The following KIRREL3 variants were observed in gnomAD, a reference collection of about 807,000 sequenced individuals.
KIRREL3 encodes kin of IRRE-like protein 3.
In KIRREL3, 36 loss-of-function variants were observed where a neutral mutation model predicts 89.7. The ratio of observed to expected loss-of-function variants is 0.40; its 90% CI spans 0.31 to 0.53. The LOEUF is 0.53. Among genes scored for constraint, KIRREL3 ranks in the 20% least tolerant of loss-of-function variants. KIRREL3 has a pLI of 0.49. For synonymous variants in KIRREL3, 445 were observed against 441.4 expected (o/e 1.01, Z -0.10); for missense variants, 864 against 1,056.6 (o/e 0.82, Z 2.53).
At chr11:126,713,526 G>A (rs753665253) in intron 1 of KIRREL3, among the ~76,000 whole-genome samples, 36 of 152,310 alleles carry the variant, frequency 2.4e-4, no homozygotes, top group Admixed American at 9.8e-4. Context: ...GGTAAGAAAC[G>A]ATGAAGGCCT....
chr11:126,986,885 T>C (rs564879644), intron 1 of KIRREL3, among the ~76,000 whole-genome samples: 2 of 152,100 alleles, frequency 1.3e-5, no homozygotes, highest in Non-Finnish European at 2.9e-5. Context: ...GAGGTGAAAA[T>C]GAGGGGACAC....
At chr11:126,753,072 A>G (rs771850096) in intron 1 of KIRREL3, among the ~76,000 whole-genome samples, 1 of 152,196 alleles carries the variant, frequency 6.6e-6, no homozygotes, top group Non-Finnish European at 1.5e-5. Flanking sequence ...TCCTCAAGTC[A>G]CCATTTAGGG....
rs888439529 is a variant in KIRREL3, at chr11:126,997,177, G to A, written c.55+3278C>T. Among the ~76,000 whole-genome samples, 1 of 152,136 alleles carries A rather than the reference G, an allele frequency of 6.6e-6. No individual in the cohort carries two copies. The highest frequency in any genetic ancestry group is 6.5e-5 in the Admixed American group (1 of 15,284). ...GGAGGGCACAGAAGGAAATAGTTGT[G>A]GGTGAACTGAAATGATAAAGAGGAA... On this transcript the variant is annotated intron_variant, in intron 1 of 16. Coordinates refer to ENST00000525144, the MANE Select transcript of KIRREL3 (RefSeq NM_032531.4). This position sits in a 1 kb window ranked among gnomAD's most constrained non-coding sequence, Gnocchi z 4.3.
In KIRREL3 at chr11:126,424,872, A is replaced by G; in HGVS notation, c.2045T>C (p.Leu682Pro). The G allele has an allele frequency of 1.2e-6, 2 of 1,613,338 alleles. No homozygotes were observed. Among genetic ancestry groups the G allele is most frequent in the South Asian group, 2.2e-5 (2 of 91,080 alleles). ...GMSFTNIYST[L>P]SGQGRLYDYG... ...GTCGTAGAGGCGGCCCTGGCCGCTC[A>G]GGGTGCTGTAGATGTTGGTGAAGGA... Residue 682 changes from leucine (L) to proline (P), a missense_variant, in exon 17 of 17, where the codon CTG becomes CCG. Transcript: ENST00000525144.
At chr11:126,949,271 T>A (rs1948709498) in intron 1 of KIRREL3, among the ~76,000 whole-genome samples, 1 of 152,214 alleles carries the variant, frequency 6.6e-6, no homozygotes, top group African/African-American at 2.4e-5. Flanking sequence ...TCTCACCATG[T>A]GGTTACCATG....
Position 126,436,836 on chromosome 11 carries a change from A to G in KIRREL3, c.1527T>C (p.Thr509=). Residue 509 remains threonine, a synonymous_variant, in exon 12 of 17, where the codon ACT becomes ACC. Transcript: ENST00000525144. ...CTAWNSFGSD[T]EIIRLKEQGS... ...CTTGCTCCTTGAGCCGGATGATCTC[A>G]GTGTCGGAGCCGAAGCTGTTCCAGG... 6.2e-7 allele frequency: 1 copy of G among 1,613,578 alleles called. No individual in the cohort carries two copies. The highest frequency in any genetic ancestry group is 1.3e-5 in the African/African-American group (1 of 75,014).
intron 3 of KIRREL3, among the ~76,000 whole-genome samples, chr11:126,524,368 A>G (rs1832735396): frequency 6.6e-6 from 1 of 152,318 alleles, no homozygotes; most frequent in East Asian, 1.9e-4. Flanking sequence ...TTTAGAAGGG[A>G]GAGAAGACAG....
chr11:126,926,673 A>G (rs1947729421), intron 1 of KIRREL3, among the ~76,000 whole-genome samples: 1 of 152,184 alleles, frequency 6.6e-6, no homozygotes, highest in South Asian at 2.1e-4. Flanking sequence ...CTTGAAAGGA[A>G]CTGCAAATCT....
rs1945597144 is a variant in KIRREL3, at chr11:126,883,775, A to G, written c.55+116680T>C. 6.6e-6 allele frequency among the ~76,000 whole-genome samples: 1 copy of G among 152,196 alleles called. No homozygotes were observed. Among genetic ancestry groups the G allele is most frequent in the African/African-American group, 2.4e-5 (1 of 41,446 alleles). On this transcript the variant is annotated intron_variant, in intron 1 of 16. Transcript: ENST00000525144. The surrounding 1 kb of genome is among the most constrained non-coding windows in gnomAD (Gnocchi z 4.1). Reference sequence around the variant, plus strand: ...GGCTGGATTTTCTAAAAGCTACTAAAAAAATGCTTGTTTGAAATTAAAGAT... The same window carrying G: ...GGCTGGATTTTCTAAAAGCTACTAAGAAAATGCTTGTTTGAAATTAAAGAT...
chr11:126,998,297 T>C (rs1042582888), intron 1 of KIRREL3, among the ~76,000 whole-genome samples: 1 of 152,168 alleles, frequency 6.6e-6, no homozygotes, highest in African/African-American at 2.4e-5. Flanking sequence ...ATAAAACACC[T>C]TCCCACTTGA....
intron 2 of KIRREL3, chr11:126,549,586 C>A (rs552812088): frequency 6.6e-6 from 1 of 152,202 alleles, no homozygotes; most frequent in African/African-American, 2.4e-5. Context: ...TTTCTTCAGA[C>A]CCTGGGGAGA....
rs1951263200 is a variant in KIRREL3 at position 126,808,108 on chromosome 11, G to A, written c.55+192347C>T. 6.6e-6 allele frequency among the ~76,000 whole-genome samples: 1 copy of A among 152,218 alleles called. No individual in the cohort carries two copies. Among genetic ancestry groups the A allele is most frequent in the African/African-American group, 2.4e-5 (1 of 41,454 alleles). ...CAAGTGGTAGATGCTCTCCAGGCCA[G>A]CTGCAGGACTGCAGATACTGACCTG... On this transcript the variant is annotated intron_variant, in intron 1 of 16. Coordinates refer to ENST00000525144, the MANE Select transcript of KIRREL3 (RefSeq NM_032531.4). The surrounding 1 kb of genome is among the most constrained non-coding windows in gnomAD (Gnocchi z 4.1).
At chr11:126,514,942 A>G (rs1274585936) in intron 4 of KIRREL3, among the ~76,000 whole-genome samples, 2 of 151,642 alleles carry the variant, frequency 1.3e-5, no homozygotes, top group Non-Finnish European at 2.9e-5. Flanking sequence ...TTCAGTGTAA[A>G]CTCCCCCTAA....
intron 1 of KIRREL3, among the ~76,000 whole-genome samples, chr11:126,660,391 A>G (rs894252491): frequency 1.3e-5 from 2 of 152,250 alleles, no homozygotes; most frequent in Admixed American, 1.3e-4. Flanking sequence ...AGACGTAGGC[A>G]CATGTTCACA....
At chr11:126,718,644 T>C (rs1948057338) in intron 1 of KIRREL3, among the ~76,000 whole-genome samples, 2 of 152,266 alleles carry the variant, frequency 1.3e-5, no homozygotes, top group Admixed American at 1.3e-4. Context: ...GGATAAGTGC[T>C]GTGCTTTACA....
intron 1 of KIRREL3, among the ~76,000 whole-genome samples, chr11:126,716,427 C>A (rs1187239883): frequency 6.6e-6 from 1 of 151,908 alleles, no homozygotes; most frequent in Non-Finnish European, 1.5e-5. Context: ...ATAACTTTGC[C>A]CAGAACCACA....
In KIRREL3 at chr11:126,535,792, C is replaced by T. The variant is rs940284184; in HGVS notation, c.134-9105G>A. On this transcript the variant is annotated intron_variant, in intron 2 of 16. Transcript: ENST00000525144. The surrounding 1 kb of genome is among the most constrained non-coding windows in gnomAD (Gnocchi z 4.5). ...CTGAGGTCAGGGGTTCGAGACCAGC[C>T]TGACCAACATGGTGAAACCCCGTCT... 4.6e-5 allele frequency among the ~76,000 whole-genome samples: 7 copies of T among 152,218 alleles called. No homozygotes were observed. The highest frequency in any genetic ancestry group is 2.0e-4 in the Admixed American group (3 of 15,288).
In KIRREL3 at chr11:126,431,663, A is replaced by C; in HGVS notation, c.1589-137T>G. 3 of 845,630 alleles carry C rather than the reference A, an allele frequency of 3.5e-6. No homozygotes were observed. The highest frequency in any genetic ancestry group is 5.6e-6 in the Non-Finnish European group (3 of 538,806). The allele number at this position is 845,630 out of a possible 1,614,324, so 52.4% of individuals were successfully genotyped here. On this transcript the variant is annotated intron_variant, in intron 13 of 16. Coordinates refer to ENST00000525144, the MANE Select transcript of KIRREL3 (RefSeq NM_032531.4). This position sits in a 1 kb window ranked among gnomAD's most constrained non-coding sequence, Gnocchi z 7.1. ...GGAAATGCCTCAGTGGGGCCTGGGC[A>C]GGCACAGGCCGAGTCCAACTGGGGT...
At chr11:126,654,057 C>T (rs1033828879) in intron 1 of KIRREL3, among the ~76,000 whole-genome samples, 12 of 152,190 alleles carry the variant, frequency 7.9e-5, no homozygotes, top group Admixed American at 1.3e-4. Context: ...CTCCCTATCA[C>T]GGGCTCCCAG....
Sources: allele counts gnomAD v4.1 joint callset (sites outside exome capture counted in the v4.1 genomes callset), GRCh38; gene constraint gnomAD v4.1.1; non-coding constraint Gnocchi (gnomAD v3.1); transcripts MANE v1.5; gene names NCBI Gene and HGNC (gene_info 2026-07-23, HGNC 2026-07-21).